TGIF2LX: variants seen among roughly 807,000 people sequenced by gnomAD.
The protein encoded by TGIF2LX is homeobox protein TGIF2LX.
TGIF2LX carries 1 observed loss-of-function variant against 1.2 expected under a neutral mutation model. The ratio of observed to expected loss-of-function variants is 0.85; its 90% CI spans 0.30 to 4.01. The LOEUF (loss-of-function observed/expected upper bound fraction) is 4.01. TGIF2LX is among the 30% of genes most tolerant of loss of function. TGIF2LX has a pLI of 0.18. For missense variants in TGIF2LX, 97 were observed against 196.0 expected, an observed-to-expected ratio of 0.49 and a Z score of 3.02; for synonymous variants, 69 against 85.0, an observed-to-expected ratio of 0.81 and a Z score of 1.04.
rs751212646 is a variant in TGIF2LX at position 89,922,432 on chromosome X, G to A, written c.347G>A (p.Arg116His). The change falls in exon 2 of 2, where the codon CGT becomes CAT. Residue 116 changes from arginine to histidine, a missense_variant. Physicochemically the swap from Arg to His is conservative, Grantham distance 29 (BLOSUM62 0). Transcript: ENST00000283891. ...ATTCTCCCGGATATGCTTCAACAGCGTAGAAACGACCCCATCATTGGCCAC... is the reference window on the plus strand; with the variant it reads ...ATTCTCCCGGATATGCTTCAACAGCATAGAAACGACCCCATCATTGGCCAC... Reference protein sequence around the residue: ...RRILPDMLQQRRNDPIIGHKT... With the variant: ...RRILPDMLQQHRNDPIIGHKT... 2.3e-5 allele frequency: 28 copies of A among 1,210,048 alleles called. No individual in the cohort carries two copies. The South Asian group carries it at 4.2e-4, about 18-fold the overall frequency.
rs767284355 is a variant in TGIF2LX, at chrX:89,922,448, C to T, written c.363C>T (p.Ile121=). 6 of 1,211,860 alleles carry T rather than the reference C, an allele frequency of 5.0e-6. No individual in the cohort carries two copies. The highest frequency in any genetic ancestry group is 5.6e-6 in the Non-Finnish European group (5 of 895,466). The stretch of plus-strand genomic sequence containing the variant: ...TTCAACAGCGTAGAAACGACCCCAT[C>T]ATTGGCCACAAAACGGGCAAAGATG... ...DMLQQRRNDP[I]IGHKTGKDAH... The change falls in exon 2 of 2, where the codon ATC becomes ATT. Residue 121 remains isoleucine (I), a synonymous_variant. Transcript: ENST00000283891.
At position 89,921,940 on chromosome X, in the gene TGIF2LX, A is replaced by G; in HGVS notation, c.-50A>G. The G allele has an allele frequency of 1.0e-6, 1 of 971,431 alleles. No individual in the cohort carries two copies. The highest frequency in any genetic ancestry group is 3.3e-5 in the East Asian group (1 of 30,193). 80.1% of individuals were successfully genotyped at this position (971,431 alleles called of 1,213,427 possible). On this transcript the variant is annotated 5_prime_UTR_variant, in exon 1 of 2. Coordinates refer to ENST00000283891, the MANE Select transcript of TGIF2LX (RefSeq NM_138960.4). ...TCGGCTGTTAGCAACTCTGTTAGCA[A>G]CGCTGTTTGTCTTTCTCGGAAACAA...
In TGIF2LX at chrX:89,921,992, G is replaced by T. The variant is rs1041737572; in HGVS notation, c.-22+24G>T. On this transcript the variant is annotated intron_variant, in intron 1 of 1. Coordinates refer to ENST00000283891, the MANE Select transcript of TGIF2LX (RefSeq NM_138960.4). ...AGGTGAGAATTCCCCTTACAGACCTGCCCATGCTTTCTAAAGTGGCTCTCC... is the reference window on the plus strand; with the variant it reads ...AGGTGAGAATTCCCCTTACAGACCTTCCCATGCTTTCTAAAGTGGCTCTCC... 4.0e-6 allele frequency: 4 copies of T among 990,729 alleles called. No homozygotes were observed. The African/African-American group carries it at 7.7e-5, about 19-fold the overall frequency. The allele number at this position is 990,729 out of a possible 1,213,427, so 81.6% of individuals were successfully genotyped here. A position where few individuals can be genotyped will look rare whatever the true frequency, so the allele number is the denominator to read the frequency against.
Position 89,922,618 on chromosome X carries a change from C to A in TGIF2LX, c.533C>A (p.Ala178Asp), listed in dbSNP as rs1319960098. 3.3e-6 allele frequency: 4 copies of A among 1,212,072 alleles called. No homozygotes were observed. Among genetic ancestry groups the A allele is most frequent in the Non-Finnish European group, 3.3e-6 (3 of 895,593 alleles). Residue 178 changes from alanine (A) to aspartate (D), a missense_variant, in exon 2 of 2, where the codon GCC becomes GAC. Coordinates refer to ENST00000283891, the MANE Select transcript of TGIF2LX (RefSeq NM_138960.4). ...SREKQPDPES[A>D]PSQKLTGIAQ... ...GAGAAGCAACCAGATCCGGAGTCGGCCCCTAGCCAGAAGCTCACCGGAATA... is the reference window on the plus strand; with the variant it reads ...GAGAAGCAACCAGATCCGGAGTCGGACCCTAGCCAGAAGCTCACCGGAATA...
In TGIF2LX at chrX:89,922,061, A is replaced by C; in HGVS notation, c.-21-4A>C. 1 of 1,211,378 alleles carries C rather than the reference A, an allele frequency of 8.3e-7. No homozygotes were observed. Among genetic ancestry groups the C allele is most frequent in the South Asian group, 1.8e-5 (1 of 56,934 alleles). ...AACTCAGTTGTCTGTGATTCTCAATATAGTAACGATAAGCCTCTTGGAATA... is the reference window on the plus strand; with the variant it reads ...AACTCAGTTGTCTGTGATTCTCAATCTAGTAACGATAAGCCTCTTGGAATA... On this transcript the variant is annotated splice_region_variant and splice_polypyrimidine_tract_variant and intron_variant, in intron 1 of 1. Coordinates refer to ENST00000283891, the MANE Select transcript of TGIF2LX (RefSeq NM_138960.4).
intron 1 of TGIF2LX, 41 bp from the exon 2 acceptor site, chrX:89,922,024 T>C: frequency 8.3e-7 from 1 of 1,199,811 alleles, no homozygotes; most frequent in East Asian, 3.0e-5. Flanking sequence ...CTCCCAAACC[T>C]ACCTTTGTCC....
rs774607166 is a variant in TGIF2LX at position 89,922,325 on chromosome X, A to G, written c.240A>G (p.Glu80=). ...ATCGGTTTAAGGCCTACCCTTCAGA[A>G]GAAGAGAAGCAAATGCTGTCAGAGA... ...YKHRFKAYPS[E]EEKQMLSEKT... is the part of the protein sequence containing the mutation. Residue 80 remains glutamate, a synonymous_variant, in exon 2 of 2, where the codon GAA becomes GAG. Coordinates refer to ENST00000283891, the MANE Select transcript of TGIF2LX (RefSeq NM_138960.4). 6.6e-6 allele frequency: 8 copies of G among 1,211,913 alleles called. No homozygotes were observed. Among genetic ancestry groups the G allele is most frequent in the Non-Finnish European group, 8.9e-6 (8 of 895,509 alleles).
At position 89,922,668 on chromosome X, in the gene TGIF2LX, G is replaced by T. The variant is rs1185599182; in HGVS notation, c.583G>T (p.Val195Phe). 5 of 1,210,625 alleles carry T rather than the reference G, an allele frequency of 4.1e-6. No individual in the cohort carries two copies. The highest frequency in any genetic ancestry group is 5.6e-6 in the Non-Finnish European group (5 of 895,402). Reference sequence around the variant, plus strand: ...AGCCCAGCCGAAGAAAAAGGTCAAGGTTTCTGTCACATCCCCGTCTTCTCC... The same window carrying T: ...AGCCCAGCCGAAGAAAAAGGTCAAGTTTTCTGTCACATCCCCGTCTTCTCC... The part of the protein sequence containing the change: ...GIAQPKKKVK[V>F]SVTSPSSPEL... The change falls in exon 2 of 2, where the codon GTT becomes TTT. Residue 195 changes from valine to phenylalanine, a missense_variant. Transcript: ENST00000283891.
At chrX:89,921,999 C>A in intron 1 of TGIF2LX, 31 bp downstream of exon 1, 1 of 1,003,371 alleles carries the variant, frequency 1.0e-6, no homozygotes, top group Non-Finnish European at 1.4e-6. Flanking sequence ...CCTGCCCATG[C>A]TTTCTAAAGT....
At position 89,922,616 on chromosome X, in the gene TGIF2LX, G is replaced by A; in HGVS notation, c.531G>A (p.Ser177=). The stretch of plus-strand genomic sequence containing the variant: ...GAGAGAAGCAACCAGATCCGGAGTC[G>A]GCCCCTAGCCAGAAGCTCACCGGAA... The part of the protein sequence containing the change: ...MSREKQPDPE[S]APSQKLTGIA... Residue 177 remains serine, a synonymous_variant, in exon 2 of 2, where the codon TCG becomes TCA. Coordinates refer to ENST00000283891, the MANE Select transcript of TGIF2LX (RefSeq NM_138960.4). 1 of 1,211,951 alleles carries A rather than the reference G, an allele frequency of 8.3e-7. No homozygotes were observed. The highest frequency in any genetic ancestry group is 3.0e-5 in the East Asian group (1 of 33,797).
Position 89,922,292 on chromosome X carries a change from G to A in TGIF2LX, c.207G>A (p.Met69Ile). The A allele has an allele frequency of 4.1e-6, 5 of 1,211,587 alleles. No homozygotes were observed. The highest frequency in any genetic ancestry group is 5.6e-6 in the Non-Finnish European group (5 of 895,325). The change falls in exon 2 of 2, where the codon ATG becomes ATA. Residue 69 changes from methionine (M) to isoleucine (I), a missense_variant. Coordinates refer to ENST00000283891, the MANE Select transcript of TGIF2LX (RefSeq NM_138960.4). ...CCGTTAAGATCCTCCGCGACTGGATGTATAAGCATCGGTTTAAGGCCTACC... is the reference window on the plus strand; with the variant it reads ...CCGTTAAGATCCTCCGCGACTGGATATATAAGCATCGGTTTAAGGCCTACC... ...AESVKILRDW[M>I]YKHRFKAYPS...
In TGIF2LX at chrX:89,922,560, C is replaced by A. The variant is rs763392229; in HGVS notation, c.475C>A (p.Leu159Met). 1 of 1,212,275 alleles carries A rather than the reference C, an allele frequency of 8.2e-7. No homozygotes were observed. The highest frequency in any genetic ancestry group is 1.8e-5 in the South Asian group (1 of 57,026). Residue 159 changes from leucine to methionine, a missense_variant, in exon 2 of 2, where the codon CTG becomes ATG. Coordinates refer to ENST00000283891, the MANE Select transcript of TGIF2LX (RefSeq NM_138960.4). ...SGPDNVQSLPLWPLPKGQMSR... is the reference protein window; with the variant it reads ...SGPDNVQSLPMWPLPKGQMSR... ...TCCAGACAATGTACAAAGCCTGCCC[C>A]TGTGGCCCTTGCCAAAGGGCCAGAT...
Position 89,921,985 on chromosome X carries a change from C to T in TGIF2LX, c.-22+17C>T. 1 of 979,146 alleles carries T rather than the reference C, an allele frequency of 1.0e-6. No homozygotes were observed. Among genetic ancestry groups the T allele is most frequent in the Non-Finnish European group, 1.4e-6 (1 of 708,146 alleles). The allele number at this position is 979,146 out of a possible 1,213,427, so 80.7% of individuals were successfully genotyped here. A position where few individuals can be genotyped will look rare whatever the true frequency, so the allele number is the denominator to read the frequency against. ...AAACAACAGGTGAGAATTCCCCTTA[C>T]AGACCTGCCCATGCTTTCTAAAGTG... is the stretch of plus-strand genomic sequence containing the variant. On this transcript the variant is annotated intron_variant, in intron 1 of 1. Transcript: ENST00000283891.
Position 89,922,464 on chromosome X carries a change from G to A in TGIF2LX, c.379G>A (p.Gly127Ser). The A allele has an allele frequency of 7.4e-6, 9 of 1,211,825 alleles. No individual in the cohort carries two copies. Among genetic ancestry groups the A allele is most frequent in the South Asian group, 1.8e-5 (1 of 57,011 alleles). ...CGACCCCATCATTGGCCACAAAACG[G>A]GCAAAGATGCCCATGCCACCCACCT... ...RNDPIIGHKT[G>S]KDAHATHLQS... Residue 127 changes from glycine to serine, a missense_variant, in exon 2 of 2, where the codon GGC (glycine) becomes AGC (serine). This residue lies in a region of TGIF2LX where 74 missense variants were observed against 142.5 expected (regional missense o/e 0.52). Transcript: ENST00000283891.
In TGIF2LX at chrX:89,922,608, C is replaced by T; in HGVS notation, c.523C>T (p.Pro175Ser). 8.3e-7 allele frequency: 1 copy of T among 1,212,001 alleles called. No individual in the cohort carries two copies. The highest frequency in any genetic ancestry group is 1.1e-6 in the Non-Finnish European group (1 of 895,597). The change falls in exon 2 of 2, where the codon CCG becomes TCG. Residue 175 changes from proline to serine, a missense_variant. This residue lies in a region of TGIF2LX where 74 missense variants were observed against 142.5 expected (regional missense o/e 0.52). Coordinates refer to ENST00000283891, the MANE Select transcript of TGIF2LX (RefSeq NM_138960.4). ...GQMSREKQPD[P>S]ESAPSQKLTG... ...GATGTCAAGAGAGAAGCAACCAGAT[C>T]CGGAGTCGGCCCCTAGCCAGAAGCT...
At position 89,922,856 on chromosome X, in the gene TGIF2LX, G is replaced by T. The variant is rs1921235011; in HGVS notation, c.*45G>T. 8.7e-7 allele frequency: 1 copy of T among 1,143,249 alleles called. No homozygotes were observed. Among genetic ancestry groups the T allele is most frequent in the Admixed American group, 2.9e-5 (1 of 34,410 alleles). The allele number at this position is 1,143,249 out of a possible 1,213,427, so 94.2% of individuals were successfully genotyped here. ...CCAAGTAGTCAGTCCCTTATGTACT[G>T]TGGTAAACCTGTTTATGTTCACCCC... On this transcript the variant is annotated 3_prime_UTR_variant, in exon 2 of 2. Coordinates refer to ENST00000283891, the MANE Select transcript of TGIF2LX (RefSeq NM_138960.4).
chrX:89,922,144 C>T lies in TGIF2LX; in HGVS notation c.59C>T (p.Pro20Leu). The change falls in exon 2 of 2, where the codon CCG (proline) becomes CTG (leucine). Residue 20 changes from proline to leucine, a missense_variant. Transcript: ENST00000283891. ...ETQSPVEKDSPAKTQSPAQDT... is the reference protein window; with the variant it reads ...ETQSPVEKDSLAKTQSPAQDT... ...CAAAGCCCGGTGGAAAAAGACAGCC[C>T]GGCGAAGACCCAAAGCCCAGCCCAA... 1 of 1,210,724 alleles carries T rather than the reference C, an allele frequency of 8.3e-7. No homozygotes were observed. The highest frequency in any genetic ancestry group is 1.1e-6 in the Non-Finnish European group (1 of 895,252).
chrX:89,922,268 C>T lies in TGIF2LX; in HGVS notation c.183C>T (p.Ser61=), dbSNP rs755318513. 142 of 1,207,925 alleles carry T rather than the reference C, an allele frequency of 1.2e-4. No individual in the cohort carries two copies. Among genetic ancestry groups the T allele is most frequent in the Non-Finnish European group, 1.4e-4 (124 of 894,384 alleles). The part of the protein sequence containing the change: ...KKRKGNLPAE[S]VKILRDWMYK... Reference sequence around the variant, plus strand: ...GCAAGGGAAACTTGCCAGCCGAGTCCGTTAAGATCCTCCGCGACTGGATGT... The same window carrying T: ...GCAAGGGAAACTTGCCAGCCGAGTCTGTTAAGATCCTCCGCGACTGGATGT... The change falls in exon 2 of 2, where the codon TCC becomes TCT. Residue 61 remains serine (S), a synonymous_variant. Coordinates refer to ENST00000283891, the MANE Select transcript of TGIF2LX (RefSeq NM_138960.4).
rs866258730 is a variant in TGIF2LX, at chrX:89,922,104, G to C, written c.19G>C (p.Gly7Arg). 5.0e-6 allele frequency: 6 copies of C among 1,211,169 alleles called. No homozygotes were observed. Among genetic ancestry groups the C allele is most frequent in the Non-Finnish European group, 6.7e-6 (6 of 895,377 alleles). ...TTGGAATATGGAGGCCGCTGCGGACGGCCCGGCTGAGACCCAAAGCCCGGT... is the reference window on the plus strand; with the variant it reads ...TTGGAATATGGAGGCCGCTGCGGACCGCCCGGCTGAGACCCAAAGCCCGGT... MEAAAD[G>R]PAETQSPVEK... Residue 7 changes from glycine (G) to arginine (R), a missense_variant, in exon 2 of 2, where the codon GGC (glycine) becomes CGC (arginine). Coordinates refer to ENST00000283891, the MANE Select transcript of TGIF2LX (RefSeq NM_138960.4).
Sources: allele counts gnomAD v4.1 joint callset, GRCh38; gene constraint gnomAD v4.1.1; regional missense constraint gnomAD v4.1.1; transcripts MANE v1.5; gene names NCBI Gene and HGNC (gene_info 2026-07-23, HGNC 2026-07-21).